Variants in ZNG1F observed in about 807,000 individuals in gnomAD.
ZNG1F encodes Zn regulated GTPase metalloprotein activator 1F, also known as zinc-regulated GTPase metalloprotein activator 1F.
chr9:41,136,407 T>C, the ZNG1F span, among the ~76,000 whole-genome samples: 2 of 21,502 alleles, frequency 9.3e-5, no homozygotes, highest in African/African-American at 9.1e-5. Flanking sequence ...TTGGAATCAG[T>C]TAGCTAGAAT....
At chr9:41,141,174 T>A in the ZNG1F span, among the ~76,000 whole-genome samples, 1 of 151,712 alleles carries the variant, frequency 6.6e-6, no homozygotes, top group Non-Finnish European at 1.5e-5. Flanking sequence ...TGGAACCAGA[T>A]GTTTTCCTAC....
chr9:41,156,169 C>A, the ZNG1F span, among the ~76,000 whole-genome samples: 2 of 129,602 alleles, frequency 1.5e-5, no homozygotes, highest in Non-Finnish European at 3.2e-5. Flanking sequence ...AATTAACTAT[C>A]ATTTACACTA....
At chr9:41,193,055 T>C in the ZNG1F span, among the ~76,000 whole-genome samples, 2 of 145,894 alleles carry the variant, frequency 1.4e-5, no homozygotes, top group African/African-American at 4.9e-5. Flanking sequence ...CTCTCCAAGG[T>C]AAATACTATT....
At chr9:41,200,805 A>G in the ZNG1F span, among the ~76,000 whole-genome samples, 3 of 152,162 alleles carry the variant, frequency 2.0e-5, no homozygotes, top group African/African-American at 4.8e-5. Context: ...GAGATTATGC[A>G]GGGAAACTCA....
the ZNG1F span, chr9:41,158,285 A>C: frequency 7.6e-6 from 1 of 131,986 alleles, no homozygotes; most frequent in South Asian, 2.8e-4. Context: ...CCGCACTCCA[A>C]CTTGGGGGAC....
chr9:41,138,586 C>T, the ZNG1F span, among the ~76,000 whole-genome samples: 3 of 25,334 alleles, frequency 1.2e-4, no homozygotes, highest in Non-Finnish European at 2.1e-4. Flanking sequence ...TTAGATTTCT[C>T]TTCTTCCTCA....
At chr9:41,174,232 G>GAAAAAAAAAAAAAAAAAAAAAACAA in the ZNG1F span, 1 of 904,710 alleles carries the variant, frequency 1.1e-6, no homozygotes, top group Non-Finnish European at 1.4e-6. Flanking sequence ...CTCTGTCTCA[G>GAAAAAAAAAAAAAAAAAAAAAACAA]AAAAAAAAAA....
chr9:41,160,737 TA>T, the ZNG1F span: 1 of 954,676 alleles, frequency 1.0e-6, no homozygotes, highest in Non-Finnish European at 1.2e-6. Context: ...CTCCAGTTTC[TA>T]AACTGGTAAG....
At chr9:41,164,987 A>G in the ZNG1F span, 69 of 1,584,898 alleles carry the variant, frequency 4.4e-5, 4 homozygotes, top group Non-Finnish European at 5.7e-5. Context: ...CACTTAACAC[A>G]CATCATTTTG....
At chr9:41,192,900 A>G in the ZNG1F span, among the ~76,000 whole-genome samples, 83 of 151,328 alleles carry the variant, frequency 5.5e-4, no homozygotes, top group Middle Eastern at 3.4e-3. Flanking sequence ...GATGTAACTT[A>G]AAAATTCCTC....
chr9:41,193,686 G>A, the ZNG1F span, among the ~76,000 whole-genome samples: 1 of 151,674 alleles, frequency 6.6e-6, no homozygotes, highest in African/African-American at 2.4e-5. Flanking sequence ...GATCACCTGA[G>A]GTCAGGAGCT....
chr9:41,154,467 C>T, the ZNG1F span, among the ~76,000 whole-genome samples: 11 of 140,662 alleles, frequency 7.8e-5, no homozygotes, highest in African/African-American at 3.0e-4. Context: ...CCCCATCAAG[C>T]TACCAATGAC....
chr9:41,183,115 A>G, the ZNG1F span, among the ~76,000 whole-genome samples: 10 of 122,732 alleles, frequency 8.1e-5, no homozygotes, highest in South Asian at 2.8e-3. Flanking sequence ...GAGTGCTACT[A>G]TGTGTTGGGT....
the ZNG1F span, among the ~76,000 whole-genome samples, chr9:41,138,405 CTCTT>C: frequency 4.0e-5 from 2 of 50,348 alleles, no homozygotes; most frequent in African/African-American, 2.0e-4. Context: ...TGTTTCACAG[CTCTT>C]TCTTTCATCT....
At chr9:41,131,822 T>C in the ZNG1F span, 1 of 405,190 alleles carries the variant, frequency 2.5e-6, no homozygotes, top group Non-Finnish European at 4.3e-6. Context: ...TTTAAGGATA[T>C]CCTTATCTAA....
chr9:41,159,177 C>T, the ZNG1F span, among the ~76,000 whole-genome samples: 1 of 150,926 alleles, frequency 6.6e-6, no homozygotes, highest in Non-Finnish European at 1.5e-5. Context: ...CAGTGGTCAT[C>T]TCTTCAAACT....
the ZNG1F span, among the ~76,000 whole-genome samples, chr9:41,187,569 A>C: frequency 6.7e-6 from 1 of 149,550 alleles, no homozygotes; most frequent in Non-Finnish European, 1.5e-5. Flanking sequence ...GGTGTGACGC[A>C]GTCAGATTGA....
chr9:41,132,027 C>T, the ZNG1F span: 1 of 1,202,366 alleles, frequency 8.3e-7, no homozygotes, highest in African/African-American at 1.6e-5. Context: ...TTGGATTAAC[C>T]ACTTTTCTAA....
the ZNG1F span, among the ~76,000 whole-genome samples, chr9:41,201,245 C>CAT: frequency 3.5e-4 from 49 of 141,732 alleles, no homozygotes; most frequent in African/African-American, 4.9e-4. Context: ...AATATGTGCT[C>CAT]ATATATATAT....
Sources: allele counts gnomAD v4.1 joint callset (sites outside exome capture counted in the v4.1 genomes callset), GRCh38; gene constraint gnomAD v4.1.1; transcripts MANE v1.5; gene names NCBI Gene and HGNC (gene_info 2026-07-23, HGNC 2026-07-21).